CACNA2D1: variants seen among roughly 807,000 people sequenced by gnomAD.
CACNA2D1 encodes the protein voltage-dependent calcium channel subunit alpha-2/delta-1.
In CACNA2D1, 53 loss-of-function variants were observed where a neutral mutation model predicts 171.5. The ratio of observed to expected loss-of-function variants is 0.31; its 90% CI spans 0.25 to 0.39. CACNA2D1 has a LOEUF of 0.39. CACNA2D1 is among the 10% of genes least tolerant of loss of function. The pLI, the probability that CACNA2D1 is intolerant of heterozygous loss-of-function variation, is 1.00. For synonymous variants in CACNA2D1, 442 were observed against 443.1 expected (o/e 1.00, Z 0.03); for missense variants, 903 against 1,299.8 (o/e 0.69, Z 4.69).
chr7:81,987,459 C>T (rs1797088930), intron 21 of CACNA2D1, among the ~76,000 whole-genome samples: 1 of 152,080 alleles, frequency 6.6e-6, no homozygotes, highest in African/African-American at 2.4e-5. Flanking sequence ...CACTTTTCAA[C>T]TCATTTATCT....
chr7:82,251,336 C>T (rs1189629570), intron 3 of CACNA2D1, among the ~76,000 whole-genome samples: 2 of 152,088 alleles, frequency 1.3e-5, no homozygotes, highest in Non-Finnish European at 2.9e-5. Flanking sequence ...AAAAGAGACA[C>T]AAAACTATGT....
At chr7:82,342,050 T>C (rs1262254143) in intron 2 of CACNA2D1, among the ~76,000 whole-genome samples, 2 of 67,202 alleles carry the variant, frequency 3.0e-5, no homozygotes, top group South Asian at 7.6e-4. Flanking sequence ...CGAGACTCCG[T>C]CTCAAAAAAA....
intron 19 of CACNA2D1, among the ~76,000 whole-genome samples, chr7:81,996,566 C>A (rs1798067880): frequency 6.6e-6 from 1 of 151,680 alleles, no homozygotes; most frequent in African/African-American, 2.4e-5. Context: ...ATCATCAGTA[C>A]AACAGATATT....
At chr7:82,039,616 T>A (rs900585842) in intron 10 of CACNA2D1, among the ~76,000 whole-genome samples, 1 of 152,168 alleles carries the variant, frequency 6.6e-6, no homozygotes, top group Non-Finnish European at 1.5e-5. Context: ...TATAAAGCAA[T>A]ATAATATTAT....
intron 2 of CACNA2D1, among the ~76,000 whole-genome samples, chr7:82,342,734 C>T (rs148548083): frequency 2.0e-5 from 3 of 152,058 alleles, no homozygotes; most frequent in Admixed American, 6.5e-5. Flanking sequence ...ACTACAGCCA[C>T]GTTTTGGAGG....
intron 1 of CACNA2D1, among the ~76,000 whole-genome samples, chr7:82,432,485 C>T (rs946507743): frequency 3.2e-4 from 49 of 152,326 alleles, no homozygotes; most frequent in African/African-American, 1.1e-3. Flanking sequence ...CAAGGATATG[C>T]TTTGCAGGGA....
chr7:82,073,704 G>A (rs985114627), intron 7 of CACNA2D1, among the ~76,000 whole-genome samples: 2 of 152,110 alleles, frequency 1.3e-5, no homozygotes, highest in Non-Finnish European at 2.9e-5. Context: ...GGGTTCAAGT[G>A]ATTCTCCTGC....
intron 4 of CACNA2D1, among the ~76,000 whole-genome samples, chr7:82,157,388 A>C (rs2129124828): frequency 6.6e-6 from 1 of 152,202 alleles, no homozygotes; most frequent in African/African-American, 2.4e-5. Context: ...TGTGGATCAA[A>C]ATTATTCATG....
intron 1 of CACNA2D1, among the ~76,000 whole-genome samples, chr7:82,351,100 TA>T (rs1670639830): frequency 6.6e-6 from 1 of 152,182 alleles, no homozygotes; most frequent in Non-Finnish European, 1.5e-5. Flanking sequence ...AAGGCAATTG[TA>T]AAGAAACATT....
At chr7:82,395,720 A>G (rs1825687392) in intron 1 of CACNA2D1, among the ~76,000 whole-genome samples, 1 of 152,192 alleles carries the variant, frequency 6.6e-6, no homozygotes, top group African/African-American at 2.4e-5. Context: ...ACCTGCATTT[A>G]TAATACAACA....
At chr7:81,981,344 AC>A (rs1342247536) in intron 24 of CACNA2D1, among the ~76,000 whole-genome samples, 4 of 152,198 alleles carry the variant, frequency 2.6e-5, no homozygotes, top group Admixed American at 6.5e-5. Context: ...CTGTCAAAGG[AC>A]AGCGTGATCA....
intron 3 of CACNA2D1, among the ~76,000 whole-genome samples, chr7:82,324,413 C>T (rs1324215723): frequency 1.3e-5 from 2 of 149,612 alleles, no homozygotes; most frequent in Non-Finnish European, 3.0e-5. Flanking sequence ...AACTTCACTG[C>T]TAACCTTTAA....
chr7:82,289,377 G>T (rs559777580), intron 3 of CACNA2D1, among the ~76,000 whole-genome samples: 4 of 151,990 alleles, frequency 2.6e-5, no homozygotes, highest in Non-Finnish European at 5.9e-5. Context: ...ATGCCAATTC[G>T]CAATACAATG....
intron 3 of CACNA2D1, among the ~76,000 whole-genome samples, chr7:82,293,282 G>A (rs1811883327): frequency 6.6e-6 from 1 of 151,112 alleles, no homozygotes; most frequent in Non-Finnish European, 1.5e-5. Context: ...TCTGTTTTTT[G>A]CTTTTGTCTT....
chr7:82,342,740 G>T (rs547150134), intron 2 of CACNA2D1, among the ~76,000 whole-genome samples: 2 of 152,206 alleles, frequency 1.3e-5, no homozygotes, highest in East Asian at 3.9e-4. Flanking sequence ...GCCACGTTTT[G>T]GAGGAAACGT....
intron 3 of CACNA2D1, among the ~76,000 whole-genome samples, chr7:82,299,592 G>A (rs926987851): frequency 1.3e-5 from 2 of 151,626 alleles, no homozygotes; most frequent in Admixed American, 6.6e-5. Flanking sequence ...CCTGGGAGGC[G>A]GAGGTTACAC....
rs1052187090 is a variant in CACNA2D1 at position 81,948,350 on chromosome 7, A to G, written c.*2042T>C. ...CTTTGGTGTTTTCTAAAATGTCAAT[A>G]CCAGTTATGAATGACACTACAAAAT... On this transcript the variant is annotated 3_prime_UTR_variant, in exon 39 of 39. Coordinates refer to ENST00000356860, the MANE Select transcript of CACNA2D1 (RefSeq NM_000722.4). 2 of 151,862 alleles carry G rather than the reference A, an allele frequency of 1.3e-5. No individual in the cohort carries two copies. Among genetic ancestry groups the G allele is most frequent in the Non-Finnish European group, 2.9e-5 (2 of 67,834 alleles). 9.4% of individuals were successfully genotyped at this position (151,862 alleles called of 1,614,324 possible). A position where few individuals can be genotyped will look rare whatever the true frequency, so the allele number is the denominator to read the frequency against.
Position 81,982,631 on chromosome 7 carries a change from C to T in CACNA2D1, c.1895-4G>A. ...TCTGGCTTCAGGGTTTCCGAATCTGCAAAGATAATGTTACAGGATTAGATA... is the reference window on the plus strand; with the variant it reads ...TCTGGCTTCAGGGTTTCCGAATCTGTAAAGATAATGTTACAGGATTAGATA... On this transcript the variant is annotated splice_polypyrimidine_tract_variant and splice_region_variant and intron_variant, in intron 23 of 38. Coordinates refer to ENST00000356860, the MANE Select transcript of CACNA2D1 (RefSeq NM_000722.4). 6.4e-7 allele frequency: 1 copy of T among 1,572,786 alleles called. No homozygotes were observed. The highest frequency in any genetic ancestry group is 8.7e-7 in the Non-Finnish European group (1 of 1,142,998).
chr7:82,270,348 G>A (rs982650577), intron 3 of CACNA2D1, among the ~76,000 whole-genome samples: 3 of 151,996 alleles, frequency 2.0e-5, no homozygotes, highest in African/African-American at 4.8e-5. Flanking sequence ...CATATAACAC[G>A]TAGTCTTCTC....
Sources: allele counts gnomAD v4.1 joint callset (sites outside exome capture counted in the v4.1 genomes callset), GRCh38; gene constraint gnomAD v4.1.1; transcripts MANE v1.5; gene names NCBI Gene and HGNC (gene_info 2026-07-23, HGNC 2026-07-21).